LRRC4C: variants seen among roughly 807,000 people sequenced by gnomAD.
The protein encoded by LRRC4C is leucine rich repeat containing 4C.
A neutral mutation model predicts 33.6 loss-of-function variants in LRRC4C; 5 were observed. The ratio of observed to expected loss-of-function variants is 0.15; its 90% CI spans 0.08 to 0.31. The LOEUF (loss-of-function observed/expected upper bound fraction) is 0.31, where lower values mean the gene tolerates loss of function less well. Among genes scored for constraint, LRRC4C ranks in the 10% least tolerant of loss-of-function variants. LRRC4C has a pLI of 1.00. For missense variants in LRRC4C, 560 were observed against 796.7 expected, an observed-to-expected ratio of 0.70 and a Z score of 3.58; for synonymous variants, 329 against 302.0, an observed-to-expected ratio of 1.09 and a Z score of -0.93.
At chr11:41,406,572 A>G (rs1163637704) in intron 1 of LRRC4C, among the ~76,000 whole-genome samples, 1 of 152,026 alleles carries the variant, frequency 6.6e-6, no homozygotes, top group African/African-American at 2.4e-5. Context: ...TGCACAGTAC[A>G]TATGATCCAC....
rs138777707 is a variant in LRRC4C, at chr11:40,162,504, G to T, written c.-95-21651C>A. ...ACCTCTCTTGATGACTGAGATTTCT[G>T]CCATGACTCTGGAATTTGGGAGATC... On this transcript the variant is annotated intron_variant, in intron 5 of 6. Transcript: ENST00000528697. Among the ~76,000 whole-genome samples, 17 of 152,190 alleles carry T rather than the reference G, an allele frequency of 1.1e-4. No individual in the cohort carries two copies. The East Asian group carries it at 2.5e-3, about 23-fold the overall frequency.
chr11:40,833,083 A>G (rs1438465087), intron 2 of LRRC4C, among the ~76,000 whole-genome samples: 1 of 152,160 alleles, frequency 6.6e-6, no homozygotes, highest in Admixed American at 6.6e-5. Flanking sequence ...TCAAAACTCA[A>G]TTTGTGGGGT....
intron 2 of LRRC4C, among the ~76,000 whole-genome samples, chr11:40,675,578 A>T (rs1944357514): frequency 6.6e-6 from 1 of 152,024 alleles, no homozygotes; most frequent in African/African-American, 2.4e-5. Context: ...GCACTTTTAT[A>T]ATTTATCTTA....
chr11:40,972,866 C>T (rs1455242598), intron 1 of LRRC4C, among the ~76,000 whole-genome samples: 1 of 152,042 alleles, frequency 6.6e-6, no homozygotes, highest in Non-Finnish European at 1.5e-5. Flanking sequence ...CTATCTGTGT[C>T]CCCACCCAAA....
intron 1 of LRRC4C, among the ~76,000 whole-genome samples, chr11:40,948,006 G>C (rs551505824): frequency 6.6e-6 from 1 of 152,118 alleles, no homozygotes; most frequent in African/African-American, 2.4e-5. Flanking sequence ...AGTTAGAACT[G>C]ATATCTCTTC....
At position 40,950,969 on chromosome 11, in the gene LRRC4C, G is replaced by T. The variant is rs905579574; in HGVS notation, c.-495-17246C>A. Among the ~76,000 whole-genome samples the T allele has an allele frequency of 3.3e-5, 5 of 151,300 alleles. No homozygotes were observed. In the East Asian group the frequency reaches 9.7e-4, roughly 29 times the overall value. ...ACTCCATTCTTTTTAAAGGCTTTGT[G>T]ATATTTTTGATGAATACATACATGA... On this transcript the variant is annotated intron_variant, in intron 1 of 6. Transcript: ENST00000528697.
At chr11:41,014,888 T>C (rs1855470485) in intron 1 of LRRC4C, among the ~76,000 whole-genome samples, 1 of 142,748 alleles carries the variant, frequency 7.0e-6, no homozygotes, top group African/African-American at 2.7e-5. Flanking sequence ...GAAACTCGGA[T>C]GTAGACACGT....
intron 2 of LRRC4C, among the ~76,000 whole-genome samples, chr11:40,901,999 T>C (rs868646651): frequency 4.3e-5 from 6 of 139,836 alleles, no homozygotes; most frequent in Middle Eastern, 3.7e-3. Flanking sequence ...TCTCTCTCTC[T>C]ACACACACAC....
chr11:40,178,632 T>C (rs1253404305), intron 5 of LRRC4C, among the ~76,000 whole-genome samples: 1 of 152,230 alleles, frequency 6.6e-6, no homozygotes, highest in Non-Finnish European at 1.5e-5. Flanking sequence ...AGACAAGGGC[T>C]TGTACTACAA....
At chr11:40,876,321 C>A (rs1954889160) in intron 2 of LRRC4C, among the ~76,000 whole-genome samples, 1 of 129,760 alleles carries the variant, frequency 7.7e-6, no homozygotes, top group Admixed American at 9.4e-5. Flanking sequence ...AAAGCCGAGA[C>A]AGGTGATCAT....
chr11:41,419,564 G>C (rs1007414989), intron 1 of LRRC4C, among the ~76,000 whole-genome samples: 2 of 151,888 alleles, frequency 1.3e-5, no homozygotes, highest in South Asian at 4.1e-4. Flanking sequence ...ACAATGGTGA[G>C]AGAAACCCAG....
Position 40,244,882 on chromosome 11 carries a change from A to G in LRRC4C, c.-175-3284T>C, listed in dbSNP as rs189075098. ...TATTTATTATTACCACTTATATTGT[A>G]CTAAAGACAGTGGCATATTCCATGG... On this transcript the variant is annotated intron_variant, in intron 4 of 6. Transcript: ENST00000528697. 3.4e-3 allele frequency among the ~76,000 whole-genome samples: 519 copies of G among 152,304 alleles called. 3 individuals carry two copies. Among genetic ancestry groups the G allele is most frequent in the Non-Finnish European group, 5.6e-3 (378 of 68,018 alleles).
At chr11:40,658,842 G>A (rs1324175904) in intron 2 of LRRC4C, among the ~76,000 whole-genome samples, 1 of 152,214 alleles carries the variant, frequency 6.6e-6, no homozygotes, top group Non-Finnish European at 1.5e-5. Flanking sequence ...TTACAAGAAT[G>A]TGGGTCAAAG....
chr11:41,451,199 A>T (rs546367635), intron 1 of LRRC4C, among the ~76,000 whole-genome samples: 1 of 152,262 alleles, frequency 6.6e-6, no homozygotes, highest in East Asian at 1.9e-4. Context: ...GAAGCAAAAG[A>T]ATGTACTGTT....
intron 1 of LRRC4C, among the ~76,000 whole-genome samples, chr11:41,436,387 A>G (rs1367763627): frequency 6.6e-6 from 1 of 152,192 alleles, no homozygotes; most frequent in African/African-American, 2.4e-5. Context: ...TATTTTGATA[A>G]TACATTTAAT....
chr11:40,199,362 C>T (rs1010754787), intron 5 of LRRC4C, among the ~76,000 whole-genome samples: 3 of 152,096 alleles, frequency 2.0e-5, no homozygotes, highest in Non-Finnish European at 2.9e-5. Flanking sequence ...TGAACCACTG[C>T]GCCCAGCCTG....
At position 40,908,158 on chromosome 11, in the gene LRRC4C, C is replaced by T. The variant is rs576348969; in HGVS notation, c.-407+25477G>A. On this transcript the variant is annotated intron_variant, in intron 2 of 6. Coordinates refer to ENST00000528697, the MANE Select transcript of LRRC4C (RefSeq NM_001258419.2). Reference sequence around the variant, plus strand: ...TTTATATAAAGATTTGTAGAATCTACGTACCTGAGTAAAAGAATAGGAAGG... The same window carrying T: ...TTTATATAAAGATTTGTAGAATCTATGTACCTGAGTAAAAGAATAGGAAGG... Among the ~76,000 whole-genome samples the T allele has an allele frequency of 2.3e-4, 35 of 152,068 alleles. 1 individual carries two copies. Among genetic ancestry groups the T allele is most frequent in the Admixed American group, 1.9e-3 (29 of 15,280 alleles).
intron 1 of LRRC4C, among the ~76,000 whole-genome samples, chr11:41,186,158 C>G (rs932857189): frequency 2.0e-5 from 3 of 151,246 alleles, no homozygotes; most frequent in Non-Finnish European, 4.4e-5. Flanking sequence ...CTGATGAAGC[C>G]AAAAAAAGGA....
At chr11:41,023,102 C>T (rs1440223193) in intron 1 of LRRC4C, among the ~76,000 whole-genome samples, 1 of 151,822 alleles carries the variant, frequency 6.6e-6, no homozygotes, top group East Asian at 1.9e-4. Context: ...AATAGAAGGA[C>T]ATAAGAGAAC....
Sources: gnomAD v4.1 joint callset for allele counts (sites outside exome capture counted in the v4.1 genomes callset) on GRCh38, gnomAD v4.1.1 for gene constraint, MANE v1.5 for transcripts, NCBI Gene and HGNC (gene_info 2026-07-23, HGNC 2026-07-21) for gene names.